PPFIA4: variants seen among roughly 807,000 people sequenced by gnomAD.
PPFIA4 encodes the protein liprin-alpha-4.
PPFIA4 carries 98 observed loss-of-function variants against 145.7 expected under a neutral mutation model. The ratio of observed to expected loss-of-function variants is 0.67; its 90% CI spans 0.57 to 0.80. PPFIA4 has a LOEUF of 0.80. Among genes scored for constraint, PPFIA4 ranks in the 30% least tolerant of loss-of-function variants. The pLI is 0.00. For missense variants in PPFIA4, 1,457 were observed against 1,632.7 expected (o/e 0.89, Z 1.85); for synonymous variants, 628 against 649.6 (o/e 0.97, Z 0.51).
At chr1:203,058,942 C>T (rs1300870776) in intron 19 of PPFIA4, among the ~76,000 whole-genome samples, 2 of 152,172 alleles carry the variant, frequency 1.3e-5, no homozygotes, top group African/African-American at 4.8e-5. Context: ...GAAAACACCC[C>T]CAAGGCTGAG....
chr1:203,056,356 G>A lies in PPFIA4; in HGVS notation c.2107-19G>A, dbSNP rs1337106605. On this transcript the variant is annotated intron_variant, in intron 17 of 29. Transcript: ENST00000295706. ...GAGATCTCTCCCTCTATCCCCTGACGGCTCCACTGTCTGTTCAGTCGCCAG... is the reference window on the plus strand; with the variant it reads ...GAGATCTCTCCCTCTATCCCCTGACAGCTCCACTGTCTGTTCAGTCGCCAG... 6 of 1,612,732 alleles carry A rather than the reference G, an allele frequency of 3.7e-6. No homozygotes were observed. The highest frequency in any genetic ancestry group is 2.2e-5 in the East Asian group (1 of 44,896).
chr1:203,056,243 C>T (rs1571711278), intron 17 of PPFIA4, 88 bp downstream of exon 17: 1 of 1,605,034 alleles, frequency 6.2e-7, no homozygotes, highest in South Asian at 1.1e-5. Flanking sequence ...GCCCTTGAGT[C>T]TGAGTCTGAA....
intron 27 of PPFIA4, among the ~76,000 whole-genome samples, chr1:203,070,791 A>G (rs1441524138): frequency 2.0e-5 from 3 of 152,092 alleles, no homozygotes; most frequent in Non-Finnish European, 4.4e-5. Flanking sequence ...CTTATCAGAT[A>G]TATTTATTTA....
intron 25 of PPFIA4, among the ~76,000 whole-genome samples, chr1:203,065,299 T>TC (rs1661655203): frequency 6.6e-6 from 1 of 152,030 alleles, no homozygotes; most frequent in Non-Finnish European, 1.5e-5. Context: ...GAAGACCGCA[T>TC]CCTCCCCTCT....
chr1:203,073,815 G>A (rs1008718587), intron 28 of PPFIA4, among the ~76,000 whole-genome samples: 1 of 152,068 alleles, frequency 6.6e-6, no homozygotes, highest in Non-Finnish European at 1.5e-5. Context: ...AGGGGAAGGC[G>A]GGAGAGAGAA....
intron 24 of PPFIA4, 79 bp from the exon 25 acceptor site, chr1:203,063,749 C>T: frequency 1.4e-6 from 2 of 1,480,094 alleles, no homozygotes; most frequent in South Asian, 1.1e-5. Context: ...TCATGTGTCT[C>T]CCGACCAGCT....
In PPFIA4 at chr1:203,038,815, C is replaced by CTGGA; in HGVS notation, c.-194_-193insTGGA. 1 of 495,084 alleles carries CTGGA rather than the reference C, an allele frequency of 2.0e-6. No homozygotes were observed. Among genetic ancestry groups the CTGGA allele is most frequent in the Non-Finnish European group, 3.6e-6 (1 of 279,444 alleles). 30.7% of individuals were successfully genotyped at this position (495,084 alleles called of 1,614,324 possible). On this transcript the variant is annotated 5_prime_UTR_variant, in exon 2 of 30. The change abolishes the stop of an existing upstream ORF in the 5' untranslated region. Transcript: ENST00000295706. ...TTAAGCCAGGCCTTCTGGCTCAGTTCCACAGGGGCACTCCAGACCCCAGGC... is the reference window on the plus strand; with the variant it reads ...TTAAGCCAGGCCTTCTGGCTCAGTTCTGGACACAGGGGCACTCCAGACCCCAGGC...
chr1:203,038,783 T>A lies in PPFIA4; in HGVS notation c.-226T>A. 2.4e-6 allele frequency: 1 copy of A among 418,532 alleles called. No homozygotes were observed. Among genetic ancestry groups the A allele is most frequent in the Non-Finnish European group, 4.3e-6 (1 of 234,026 alleles). The allele number at this position is 418,532 out of a possible 1,614,324, so 25.9% of individuals were successfully genotyped here. ...GACACAGGGCACCCAGCCCCAGCCC[T>A]GAGAAGTTAAGCCAGGCCTTCTGGC... On this transcript the variant is annotated 5_prime_UTR_variant, in exon 2 of 30. Coordinates refer to ENST00000295706, the MANE Select transcript of PPFIA4 (RefSeq NM_001304331.2).
At chr1:203,047,749 A>G (rs941085174) in intron 9 of PPFIA4, among the ~76,000 whole-genome samples, 1 of 152,192 alleles carries the variant, frequency 6.6e-6, no homozygotes, top group Non-Finnish European at 1.5e-5. Flanking sequence ...ATTATTACCC[A>G]CATTTTACAG....
At chr1:203,027,120 C>T (rs1221947508) in intron 1 of PPFIA4, among the ~76,000 whole-genome samples, 1 of 152,162 alleles carries the variant, frequency 6.6e-6, no homozygotes, top group Non-Finnish European at 1.5e-5. Context: ...CTCTCCATTC[C>T]TCGAACTGCC....
intron 23 of PPFIA4, 121 bp from the exon 24 acceptor site, chr1:203,061,531 C>G: frequency 9.7e-7 from 1 of 1,031,422 alleles, no homozygotes; most frequent in African/African-American, 1.7e-5. Context: ...ACGAGCTTTC[C>G]CCAGTCACCC....
chr1:203,041,202 T>G (rs770857319), intron 2 of PPFIA4, among the ~76,000 whole-genome samples: 11 of 152,362 alleles, frequency 7.2e-5, no homozygotes, highest in Admixed American at 1.3e-4. Context: ...TAGGAAGGCA[T>G]GCTGGTGTTT....
chr1:203,048,127 TGATCCCCA>T lies in PPFIA4; in HGVS notation c.1141-98_1141-91del. On this transcript the variant is annotated intron_variant, in intron 9 of 29. Transcript: ENST00000295706. This position sits in a 1 kb window ranked among gnomAD's most constrained non-coding sequence, Gnocchi z 5.8. Reference sequence around the variant, plus strand: ...TGAGCGTCACTGGTACTGGGGGCCATGATCCCCAGGGCCACCCTGGCACCAGGGTGCAG... The same window carrying T: ...TGAGCGTCACTGGTACTGGGGGCCATGGGCCACCCTGGCACCAGGGTGCAG... 1 of 1,100,592 alleles carries T rather than the reference TGATCCCCA, an allele frequency of 9.1e-7. No homozygotes were observed. Among genetic ancestry groups the T allele is most frequent in the African/African-American group, 1.6e-5 (1 of 64,492 alleles). The allele number at this position is 1,100,592 out of a possible 1,614,324, so 68.2% of individuals were successfully genotyped here. A position where few individuals can be genotyped will look rare whatever the true frequency, so the allele number is the denominator to read the frequency against.
At chr1:203,052,050 C>G (rs965702084) in intron 14 of PPFIA4, among the ~76,000 whole-genome samples, 173 bp downstream of exon 14, 11 of 138,512 alleles carry the variant, frequency 7.9e-5, no homozygotes, top group East Asian at 4.1e-4. Flanking sequence ...GCTGTGCCCC[C>G]CCCCCCGCTT....
chr1:203,048,503 A>G lies in PPFIA4; in HGVS notation c.1225-80A>G. On this transcript the variant is annotated intron_variant, in intron 10 of 29. Coordinates refer to ENST00000295706, the MANE Select transcript of PPFIA4 (RefSeq NM_001304331.2). This position sits in a 1 kb window ranked among gnomAD's most constrained non-coding sequence, Gnocchi z 5.8. ...GGCTCCCAGAGGATGAGAAGAGGAC[A>G]GGGGAGGGAGTCAAACCCCAGCAGG... 2 of 1,541,096 alleles carry G rather than the reference A, an allele frequency of 1.3e-6. No homozygotes were observed. The highest frequency in any genetic ancestry group is 1.8e-6 in the Non-Finnish European group (2 of 1,139,942).
At chr1:203,076,028 C>G in intron 29 of PPFIA4, 1 of 581,940 alleles carries the variant, frequency 1.7e-6, no homozygotes, top group Non-Finnish European at 3.0e-6. Flanking sequence ...TCCTGCTGAC[C>G]CCCCATCCTC....
chr1:203,074,020 A>G (rs1291155618), intron 28 of PPFIA4, among the ~76,000 whole-genome samples: 2 of 152,168 alleles, frequency 1.3e-5, no homozygotes, highest in African/African-American at 2.4e-5. Context: ...GGTTGGAGCA[A>G]AAAAGGTTAT....
rs1661345361 is a variant in PPFIA4, at chr1:203,061,435, T to C, written c.2848-217T>C. 5.7e-6 allele frequency: 3 copies of C among 528,368 alleles called. No individual in the cohort carries two copies. In the South Asian group the frequency reaches 8.2e-5, roughly 14 times the overall value. The allele number at this position is 528,368 out of a possible 1,614,324, so 32.7% of individuals were successfully genotyped here. A position where few individuals can be genotyped will look rare whatever the true frequency, so the allele number is the denominator to read the frequency against. On this transcript the variant is annotated intron_variant, in intron 23 of 29. Coordinates refer to ENST00000295706, the MANE Select transcript of PPFIA4 (RefSeq NM_001304331.2). The stretch of plus-strand genomic sequence containing the variant: ...GGCTCCCAGTCAAGCCTGGGAGGTG[T>C]GTGTTTTTGCCACACACACATTTGC...
At chr1:203,069,169 A>G (rs946896753) in intron 27 of PPFIA4, among the ~76,000 whole-genome samples, 5 of 152,200 alleles carry the variant, frequency 3.3e-5, no homozygotes, top group Non-Finnish European at 7.3e-5. Flanking sequence ...ATGATTAAAC[A>G]TCTCATGAAA....
Sources: allele counts gnomAD v4.1 joint callset (sites outside exome capture counted in the v4.1 genomes callset), GRCh38; gene constraint gnomAD v4.1.1; non-coding constraint Gnocchi (gnomAD v3.1); transcripts MANE v1.5; gene names NCBI Gene and HGNC (gene_info 2026-07-23, HGNC 2026-07-21).